Variants in DSG2 observed in about 807,000 individuals in gnomAD.
DSG2 encodes the protein desmoglein 2.
In DSG2, 45 loss-of-function variants were observed where a neutral mutation model predicts 75.6. That is an observed-to-expected ratio of 0.60 (90% CI 0.47 to 0.76). DSG2 has a LOEUF of 0.76. DSG2 is among the 30% of genes least tolerant of loss of function. The pLI is 0.00. For synonymous variants in DSG2, 429 were observed against 483.9 expected (o/e 0.89, Z 1.49); for missense variants, 1,267 against 1,357.4 (o/e 0.93, Z 1.05).
intron 8 of DSG2, among the ~76,000 whole-genome samples, chr18:31,530,233 A>G (rs2073186362): frequency 6.6e-6 from 1 of 152,140 alleles, no homozygotes; most frequent in Non-Finnish European, 1.5e-5. Flanking sequence ...TAATATGCTA[A>G]TGTGTAATAT....
chr18:31,536,148 C>A, intron 10 of DSG2, 54 bp from the exon 11 acceptor site: 1 of 1,555,930 alleles, frequency 6.4e-7, no homozygotes, highest in South Asian at 1.1e-5. Context: ...CAAACTATGT[C>A]TGTTGTCAGC....
chr18:31,506,695 T>C (rs1016672649), intron 1 of DSG2, among the ~76,000 whole-genome samples: 1 of 152,244 alleles, frequency 6.6e-6, no homozygotes, highest in African/African-American at 2.4e-5. Context: ...AATTTTTGTT[T>C]ATCAAATTTT....
At chr18:31,520,361 T>C (rs1382554554) in intron 3 of DSG2, among the ~76,000 whole-genome samples, 1 of 152,214 alleles carries the variant, frequency 6.6e-6, no homozygotes, top group African/African-American at 2.4e-5. Flanking sequence ...ATAATTAATA[T>C]CTGTGTTTTC....
intron 2 of DSG2, among the ~76,000 whole-genome samples, chr18:31,519,014 T>C (rs903966068): frequency 6.6e-6 from 1 of 152,234 alleles, no homozygotes; most frequent in Admixed American, 6.5e-5. Context: ...ATTCATTAAC[T>C]GGCAGTTTCC....
intron 5 of DSG2, 107 bp downstream of exon 5, chr18:31,521,350 T>C (rs1214934243): frequency 8.5e-7 from 1 of 1,183,300 alleles, no homozygotes; most frequent in Admixed American, 2.3e-5. Flanking sequence ...GAGTATTACC[T>C]ACAGAACAAA....
At position 31,520,035 on chromosome 18, in the gene DSG2, T is replaced by C; in HGVS notation, c.216+98T>C. The stretch of plus-strand genomic sequence containing the variant: ...TTTAAGATTTAAGGAAAATGTATGA[T>C]GTGCTTACAGAATTTTTAAATATTC... On this transcript the variant is annotated intron_variant, in intron 3 of 14. Transcript: ENST00000261590. 4.1e-6 allele frequency: 6 copies of C among 1,464,922 alleles called. No homozygotes were observed. In the South Asian group the frequency reaches 5.9e-5, roughly 14 times the overall value. The allele number at this position is 1,464,922 out of a possible 1,614,324, so 90.7% of individuals were successfully genotyped here.
intron 1 of DSG2, among the ~76,000 whole-genome samples, chr18:31,499,357 CGTGTGT>C (rs34693299): frequency 1.6e-4 from 24 of 149,716 alleles, no homozygotes; most frequent in South Asian, 4.2e-4. Flanking sequence ...GGAAGAAAAT[CGTGTGT>C]GTGTGTGTGT....
At chr18:31,530,506 C>A (rs2073188917) in intron 8 of DSG2, among the ~76,000 whole-genome samples, 1 of 152,096 alleles carries the variant, frequency 6.6e-6, no homozygotes, top group Non-Finnish European at 1.5e-5. Flanking sequence ...CAGCCTCAAC[C>A]CTCTGGGCTC....
At chr18:31,516,871 G>A (rs931395486) in intron 1 of DSG2, among the ~76,000 whole-genome samples, 4 of 152,204 alleles carry the variant, frequency 2.6e-5, no homozygotes, top group African/African-American at 9.6e-5. Context: ...CAGTCTGCTA[G>A]CTGCTCCGGT....
chr18:31,522,379 T>A, intron 6 of DSG2, 130 bp downstream of exon 6: 1 of 936,872 alleles, frequency 1.1e-6, no homozygotes, highest in South Asian at 1.5e-5. Flanking sequence ...GGAATTACTC[T>A]CTTTTAGGGA....
chr18:31,531,754 T>A (rs1428303885), intron 9 of DSG2, among the ~76,000 whole-genome samples: 2 of 152,268 alleles, frequency 1.3e-5, no homozygotes, highest in African/African-American at 2.4e-5. Context: ...ACACTGTTTA[T>A]GTTTGTCTTG....
At chr18:31,513,744 A>G (rs2073079114) in intron 1 of DSG2, among the ~76,000 whole-genome samples, 1 of 152,180 alleles carries the variant, frequency 6.6e-6, no homozygotes, top group South Asian at 2.1e-4. Flanking sequence ...CTCCCAAAGA[A>G]TGGAATAGGG....
chr18:31,519,967 T>C (rs2073118957), intron 3 of DSG2, 30 bp downstream of exon 3: 3 of 1,614,014 alleles, frequency 1.9e-6, no homozygotes, highest in Non-Finnish European at 2.5e-6. Flanking sequence ...ATGAAATACA[T>C]GCATATGACT....
intron 6 of DSG2, chr18:31,522,669 C>T (rs2144318814): frequency 5.8e-6 from 1 of 172,416 alleles, no homozygotes; most frequent in African/African-American, 2.4e-5. Context: ...TACATAAAAA[C>T]AGCACCATTC....
chr18:31,519,672 A>C (rs2073115642), intron 2 of DSG2, 131 bp from the exon 3 acceptor site: 4 of 920,330 alleles, frequency 4.3e-6, no homozygotes, highest in Non-Finnish European at 6.8e-6. Flanking sequence ...TTAGACAATG[A>C]AGCCTCATAG....
At chr18:31,515,805 G>A (rs563931940) in intron 1 of DSG2, among the ~76,000 whole-genome samples, 3 of 152,316 alleles carry the variant, frequency 2.0e-5, no homozygotes, top group Admixed American at 6.5e-5. Context: ...ACAATGGAAA[G>A]GAAAGAAAGA....
At position 31,524,512 on chromosome 18, in the gene DSG2, C is replaced by T. The variant is rs956696163; in HGVS notation, c.755C>T (p.Pro252Leu). Residue 252 changes from proline (P) to leucine (L), a missense_variant, in exon 7 of 15, where the codon CCT becomes CTT. Transcript: ENST00000261590. ...RDGNGEVTDK[P>L]VKQAQVQIRI... is the part of the protein sequence containing the mutation. ...GGCAATGGAGAAGTTACAGACAAAC[C>T]TGTAAAACAAGCTCAAGTTCAGATT... 2.5e-6 allele frequency: 4 copies of T among 1,614,090 alleles called. No individual in the cohort carries two copies. Among genetic ancestry groups the T allele is most frequent in the Non-Finnish European group, 2.5e-6 (3 of 1,179,998 alleles).
At chr18:31,504,242 C>A (rs896123961) in intron 1 of DSG2, among the ~76,000 whole-genome samples, 7 of 152,118 alleles carry the variant, frequency 4.6e-5, no homozygotes, top group African/African-American at 1.7e-4. Flanking sequence ...TGAGACCGTT[C>A]AGATTTCCCT....
intron 14 of DSG2, among the ~76,000 whole-genome samples, chr18:31,545,365 A>ACTT (rs1475236415): frequency 2.0e-5 from 3 of 152,220 alleles, no homozygotes; most frequent in Admixed American, 6.5e-5. Flanking sequence ...CAAATGTAGA[A>ACTT]CTTTAATATT....
Sources: gnomAD v4.1 joint callset for allele counts (sites outside exome capture counted in the v4.1 genomes callset) on GRCh38, gnomAD v4.1.1 for gene constraint, MANE v1.5 for transcripts, NCBI Gene and HGNC (gene_info 2026-07-23, HGNC 2026-07-21) for gene names.